Variants in ANKRD9 observed in about 807,000 individuals in gnomAD.
ANKRD9 encodes ankyrin repeat domain-containing protein 9.
Under a neutral mutation model 19.2 loss-of-function variants are expected in ANKRD9, and 13 were observed. The observed-to-expected ratio is 0.68, with a 90% CI of 0.44 to 1.08. The LOEUF is 1.08. Ranked by LOEUF, ANKRD9 falls within the 50% of genes least tolerant of loss-of-function variation. The pLI is 0.00. For synonymous variants in ANKRD9, 278 were observed against 256.8 expected, an observed-to-expected ratio of 1.08 and a Z score of -0.79; for missense variants, 518 against 499.9, an observed-to-expected ratio of 1.04 and a Z score of -0.34.
At position 102,508,052 on chromosome 14, in the gene ANKRD9, C is replaced by G. The variant is rs1891672027; in HGVS notation, c.-53-110G>C. ...CCGGTCCTGGCCCACCAGGCCTGTACCTACCTCCAGCCTCGGCCAGGCCCT... is the reference window on the plus strand; with the variant it reads ...CCGGTCCTGGCCCACCAGGCCTGTAGCTACCTCCAGCCTCGGCCAGGCCCT... On this transcript the variant is annotated intron_variant, in intron 3 of 3. Transcript: ENST00000286918. The surrounding 1 kb of genome is among the most constrained non-coding windows in gnomAD (Gnocchi z 6.2). The G allele has an allele frequency of 1.3e-6, 1 of 765,284 alleles. No homozygotes were observed. The allele number at this position is 765,284 out of a possible 1,614,324, so 47.4% of individuals were successfully genotyped here.
In ANKRD9 at chr14:102,507,503, C is replaced by T; in HGVS notation, c.387G>A (p.Leu129=). 1 of 1,373,780 alleles carries T rather than the reference C, an allele frequency of 7.3e-7. No homozygotes were observed. 85.1% of individuals were successfully genotyped at this position (1,373,780 alleles called of 1,614,324 possible). Residue 129 remains leucine, a synonymous_variant, in exon 4 of 4, where the codon CTG becomes CTA. Coordinates refer to ENST00000286918, the MANE Select transcript of ANKRD9 (RefSeq NM_152326.4). The surrounding 1 kb of genome is among the most constrained non-coding windows in gnomAD (Gnocchi z 9.2). The stretch of plus-strand genomic sequence containing the variant: ...CGCGCAAGGTGCGCAGGATGCGGCG[C>T]AGAATGCCCACGCGGTTGTAGCGCA... ...LAVRYNRVGI[L]RRILRTLRDF... is the part of the protein sequence containing the mutation.
In ANKRD9 at chr14:102,502,999, G is replaced by T. The variant is rs1193945982; in HGVS notation, c.*3937C>A. ...GGAGGCTGAGGCGGGCGGATCACAAGGTCAGGAGTTCGAGACCTGCCTGGC... is the reference window on the plus strand; with the variant it reads ...GGAGGCTGAGGCGGGCGGATCACAATGTCAGGAGTTCGAGACCTGCCTGGC... On this transcript the variant is annotated 3_prime_UTR_variant, in exon 4 of 4. Coordinates refer to ENST00000286918, the MANE Select transcript of ANKRD9 (RefSeq NM_152326.4). The T allele has an allele frequency of 6.6e-6, 1 of 152,146 alleles. No individual in the cohort carries two copies. Among genetic ancestry groups the T allele is most frequent in the Non-Finnish European group, 1.5e-5 (1 of 68,046 alleles). The allele number at this position is 152,146 out of a possible 1,614,324, so 9.4% of individuals were successfully genotyped here. A position where few individuals can be genotyped will look rare whatever the true frequency, so the allele number is the denominator to read the frequency against.
In ANKRD9 at chr14:102,508,024, C is replaced by T. The variant is rs1403393997; in HGVS notation, c.-53-82G>A. On this transcript the variant is annotated intron_variant, in intron 3 of 3. Transcript: ENST00000286918. The surrounding 1 kb of genome is among the most constrained non-coding windows in gnomAD (Gnocchi z 6.2). ...ACTCCCCTCTGCCCCTCACACAGCC[C>T]CTCCGGTCCTGGCCCACCAGGCCTG... 5 of 977,642 alleles carry T rather than the reference C, an allele frequency of 5.1e-6. No homozygotes were observed. Among genetic ancestry groups the T allele is most frequent in the Admixed American group, 5.6e-5 (1 of 17,708 alleles). 60.6% of individuals were successfully genotyped at this position (977,642 alleles called of 1,614,324 possible).
rs1277947266 is a variant in ANKRD9, at chr14:102,502,166, C to T, written c.*4770G>A. On this transcript the variant is annotated 3_prime_UTR_variant, in exon 4 of 4. Coordinates refer to ENST00000286918, the MANE Select transcript of ANKRD9 (RefSeq NM_152326.4). ...GAGGCGCAGGACCTCACCGCGCCAG[C>T]GTGAAGTTCCCGGGCATGGTCATGA... 1.3e-5 allele frequency: 2 copies of T among 152,216 alleles called. No homozygotes were observed. The highest frequency in any genetic ancestry group is 2.9e-5 in the Non-Finnish European group (2 of 68,032). The allele number at this position is 152,216 out of a possible 1,614,324, so 9.4% of individuals were successfully genotyped here. A position where few individuals can be genotyped will look rare whatever the true frequency, so the allele number is the denominator to read the frequency against.
In ANKRD9 at chr14:102,504,472, CAG is replaced by C. The variant is rs1567370422; in HGVS notation, c.*2462_*2463del. ...CTCATGGCCAGGACGATAACGATGA[CAG>C]GGGCAACACCATGGTCCTCGCTGCC... On this transcript the variant is annotated 3_prime_UTR_variant, in exon 4 of 4. Coordinates refer to ENST00000286918, the MANE Select transcript of ANKRD9 (RefSeq NM_152326.4). 1.3e-5 allele frequency: 2 copies of C among 153,650 alleles called. No individual in the cohort carries two copies. The highest frequency in any genetic ancestry group is 2.4e-5 in the African/African-American group (1 of 41,444). 9.5% of individuals were successfully genotyped at this position (153,650 alleles called of 1,614,324 possible).
Position 102,507,526 on chromosome 14 carries a change from G to T in ANKRD9, c.364C>A (p.Arg122Ser). 7.4e-7 allele frequency: 1 copy of T among 1,348,394 alleles called. No individual in the cohort carries two copies. The highest frequency in any genetic ancestry group is 9.5e-7 in the Non-Finnish European group (1 of 1,049,492). The allele number at this position is 1,348,394 out of a possible 1,614,324, so 83.5% of individuals were successfully genotyped here. The change falls in exon 4 of 4, where the codon CGC becomes AGC. Residue 122 changes from arginine (R) to serine (S), a missense_variant. Transcript: ENST00000286918. This position sits in a 1 kb window ranked among gnomAD's most constrained non-coding sequence, Gnocchi z 9.2. ...APGPHVALAV[R>S]YNRVGILRRI... ...CGCAGAATGCCCACGCGGTTGTAGC[G>T]CACTGCCAGCGCCACGTGCGGCCCG...
rs1891596661 is a variant in ANKRD9 at position 102,506,677 on chromosome 14, C to T, written c.*259G>A. ...GCTGTCACCCATCTGGGACGCACAC[C>T]TGTCCGAGGCTCTAGATCAAGGTGG... On this transcript the variant is annotated 3_prime_UTR_variant, in exon 4 of 4. Coordinates refer to ENST00000286918, the MANE Select transcript of ANKRD9 (RefSeq NM_152326.4). 2 of 409,474 alleles carry T rather than the reference C, an allele frequency of 4.9e-6. No homozygotes were observed. Among genetic ancestry groups the T allele is most frequent in the East Asian group, 7.7e-5 (2 of 25,958 alleles). 25.4% of individuals were successfully genotyped at this position (409,474 alleles called of 1,614,324 possible).
rs72700638 is a variant in ANKRD9 at position 102,503,824 on chromosome 14, C to T, written c.*3112G>A. The T allele has an allele frequency of 3.9e-5, 6 of 152,328 alleles. No homozygotes were observed. The highest frequency in any genetic ancestry group is 8.8e-5 in the Non-Finnish European group (6 of 68,030). 9.4% of individuals were successfully genotyped at this position (152,328 alleles called of 1,614,324 possible). A position where few individuals can be genotyped will look rare whatever the true frequency, so the allele number is the denominator to read the frequency against. The stretch of plus-strand genomic sequence containing the variant: ...TGACTAAACTTGTTTTCCGCCCTCC[C>T]AACTTCCAGGAAGAACCTTCTTCTG... On this transcript the variant is annotated 3_prime_UTR_variant, in exon 4 of 4. Coordinates refer to ENST00000286918, the MANE Select transcript of ANKRD9 (RefSeq NM_152326.4).
rs1243425599 is a variant in ANKRD9 at position 102,507,022 on chromosome 14, T to C, written c.868A>G (p.Ile290Val). The change falls in exon 4 of 4, where the codon ATC becomes GTC. Residue 290 changes from isoleucine to valine, a missense_variant. Ile to Val is a conservative substitution (Grantham distance 29). Transcript: ENST00000286918. The surrounding 1 kb of genome is among the most constrained non-coding windows in gnomAD (Gnocchi z 9.2). Reference sequence around the variant, plus strand: ...GCCTCGGGGAAGCGGCCTGGAGAGATGGCGGTGACCAGCACCTGCATGGCG... The same window carrying C: ...GCCTCGGGGAAGCGGCCTGGAGAGACGGCGGTGACCAGCACCTGCATGGCG... ...ARAMQVLVTA[I>V]SPGRFPEALD... 1 of 1,582,382 alleles carries C rather than the reference T, an allele frequency of 6.3e-7. No individual in the cohort carries two copies. Among genetic ancestry groups the C allele is most frequent in the Non-Finnish European group, 8.5e-7 (1 of 1,170,526 alleles).
chr14:102,507,713 GA>G lies in ANKRD9; in HGVS notation c.176del (p.Phe59SerfsTer265). ...LLEDMRASEA[F>X]HWDERGRAAA... ...CGGCGCGCCCGCGCTCGTCCCAGTG[GA>G]AGGCCTCGCTGGCGCGCATATCCTC... On this transcript the variant is annotated frameshift_variant, in exon 4 of 4. Transcript: ENST00000286918. LOFTEE classifies it high-confidence loss of function. This position sits in a 1 kb window ranked among gnomAD's most constrained non-coding sequence, Gnocchi z 9.2. The G allele has an allele frequency of 1.3e-6, 2 of 1,539,548 alleles. No homozygotes were observed. Among genetic ancestry groups the G allele is most frequent in the African/African-American group, 1.4e-5 (1 of 72,538 alleles).
rs1191879008 is a variant in ANKRD9, at chr14:102,508,820, G to A, written c.-308C>T. The A allele has an allele frequency of 6.6e-6, 1 of 152,016 alleles. No homozygotes were observed. Among genetic ancestry groups the A allele is most frequent in the Non-Finnish European group, 1.5e-5 (1 of 68,068 alleles). 9.4% of individuals were successfully genotyped at this position (152,016 alleles called of 1,614,324 possible). A position where few individuals can be genotyped will look rare whatever the true frequency, so the allele number is the denominator to read the frequency against. On this transcript the variant is annotated 5_prime_UTR_variant, in exon 2 of 4. Coordinates refer to ENST00000286918, the MANE Select transcript of ANKRD9 (RefSeq NM_152326.4). The surrounding 1 kb of genome is among the most constrained non-coding windows in gnomAD (Gnocchi z 6.2). ...GGCACAAGCTTCTCCAATTCTCCAA[G>A]GTCAGCAAGCCACGGCAGAGCCAGG...
chr14:102,502,545 A>G lies in ANKRD9; in HGVS notation c.*4391T>C, dbSNP rs142789833. The stretch of plus-strand genomic sequence containing the variant: ...GTCAAATATCACAAAGTAGACACCA[A>G]TGACTTCTTAAAAATCATATTTACA... On this transcript the variant is annotated 3_prime_UTR_variant, in exon 4 of 4. Coordinates refer to ENST00000286918, the MANE Select transcript of ANKRD9 (RefSeq NM_152326.4). 7.4e-3 allele frequency: 1,137 copies of G among 152,718 alleles called. 8 individuals are homozygous for G. Among genetic ancestry groups the G allele is most frequent in the Non-Finnish European group, 0.012 (796 of 68,024 alleles). 9.5% of individuals were successfully genotyped at this position (152,718 alleles called of 1,614,324 possible).
In ANKRD9 at chr14:102,507,961, G is replaced by A. The variant is rs936313503; in HGVS notation, c.-53-19C>T. Reference sequence around the variant, plus strand: ...GGCACACCTGCGGGGAAAGGAAGAGGCCACGGTGAGGCGCGGGGAAACTGG... The same window carrying A: ...GGCACACCTGCGGGGAAAGGAAGAGACCACGGTGAGGCGCGGGGAAACTGG... On this transcript the variant is annotated intron_variant, in intron 3 of 3. Coordinates refer to ENST00000286918, the MANE Select transcript of ANKRD9 (RefSeq NM_152326.4). The surrounding 1 kb of genome is among the most constrained non-coding windows in gnomAD (Gnocchi z 9.2). The A allele has an allele frequency of 2.8e-6, 3 of 1,089,346 alleles. No homozygotes were observed. Among genetic ancestry groups the A allele is most frequent in the African/African-American group, 3.4e-5 (2 of 58,896 alleles). The allele number at this position is 1,089,346 out of a possible 1,614,324, so 67.5% of individuals were successfully genotyped here. A position where few individuals can be genotyped will look rare whatever the true frequency, so the allele number is the denominator to read the frequency against.
rs1458042091 is a variant in ANKRD9, at chr14:102,507,763, C to G, written c.127G>C (p.Asp43His). 18 of 1,495,714 alleles carry G rather than the reference C, an allele frequency of 1.2e-5. No individual in the cohort carries two copies. Among genetic ancestry groups the G allele is most frequent in the Non-Finnish European group, 1.6e-5 (18 of 1,122,840 alleles). The allele number at this position is 1,495,714 out of a possible 1,614,324, so 92.7% of individuals were successfully genotyped here. A position where few individuals can be genotyped will look rare whatever the true frequency, so the allele number is the denominator to read the frequency against. Residue 43 changes from aspartate to histidine, a missense_variant, in exon 4 of 4, where the codon GAC (aspartate) becomes CAC (histidine). Asp to His is a moderately conservative substitution (Grantham distance 81). Coordinates refer to ENST00000286918, the MANE Select transcript of ANKRD9 (RefSeq NM_152326.4). This position sits in a 1 kb window ranked among gnomAD's most constrained non-coding sequence, Gnocchi z 9.2. ...SSFAFYQAVR[D>H]LLPVWLLEDM... ...TCCAGCAGCCACACGGGTAGCAGGT[C>G]GCGCACCGCCTGGTAGAAGGCGAAC...
chr14:102,507,159 G>A lies in ANKRD9; in HGVS notation c.731C>T (p.Ala244Val). The change falls in exon 4 of 4, where the codon GCC becomes GTC. Residue 244 changes from alanine to valine, a missense_variant. By Grantham distance (64) the Ala-to-Val change is moderately conservative. Coordinates refer to ENST00000286918, the MANE Select transcript of ANKRD9 (RefSeq NM_152326.4). The surrounding 1 kb of genome is among the most constrained non-coding windows in gnomAD (Gnocchi z 9.2). ...CAGCAGCTCCTGGCGGGCCGAGCCGGCGGCACCCACGGGGGTGTACAGCGC... is the reference window on the plus strand; with the variant it reads ...CAGCAGCTCCTGGCGGGCCGAGCCGACGGCACCCACGGGGGTGTACAGCGC... Reference protein sequence around the residue: ...LLALYTPVGAAGSARQELLGD... With the variant: ...LLALYTPVGAVGSARQELLGD... 7.0e-7 allele frequency: 1 copy of A among 1,421,418 alleles called. No individual in the cohort carries two copies. 88.1% of individuals were successfully genotyped at this position (1,421,418 alleles called of 1,614,324 possible).
Position 102,506,933 on chromosome 14 carries a change from G to T in ANKRD9, c.*3C>A. ...AAAATCCAGCGCCTAGGGTGCTCCGGGCCTAGCCTTTGCCAGTGAGGTCCA... is the reference window on the plus strand; with the variant it reads ...AAAATCCAGCGCCTAGGGTGCTCCGTGCCTAGCCTTTGCCAGTGAGGTCCA... On this transcript the variant is annotated 3_prime_UTR_variant, in exon 4 of 4. Coordinates refer to ENST00000286918, the MANE Select transcript of ANKRD9 (RefSeq NM_152326.4). 1 of 1,505,492 alleles carries T rather than the reference G, an allele frequency of 6.6e-7. No homozygotes were observed. The highest frequency in any genetic ancestry group is 8.9e-7 in the Non-Finnish European group (1 of 1,125,628). 93.3% of individuals were successfully genotyped at this position (1,505,492 alleles called of 1,614,324 possible).
rs1891453015 is a variant in ANKRD9, at chr14:102,502,128, T to G, written c.*4808A>C. On this transcript the variant is annotated 3_prime_UTR_variant, in exon 4 of 4. Transcript: ENST00000286918. The stretch of plus-strand genomic sequence containing the variant: ...GCCTGCAGCTATTAAGAAGCACGTG[T>G]GTGCAGGAAGCGGAGGCGCAGGACC... 1 of 152,230 alleles carries G rather than the reference T, an allele frequency of 6.6e-6. No individual in the cohort carries two copies. The highest frequency in any genetic ancestry group is 2.4e-5 in the African/African-American group (1 of 41,456). The allele number at this position is 152,230 out of a possible 1,614,324, so 9.4% of individuals were successfully genotyped here.
chr14:102,506,925 G>A lies in ANKRD9; in HGVS notation c.*11C>T, dbSNP rs374563215. ...TTTGTCCCAAAATCCAGCGCCTAGG[G>A]TGCTCCGGGCCTAGCCTTTGCCAGT... On this transcript the variant is annotated 3_prime_UTR_variant, in exon 4 of 4. Coordinates refer to ENST00000286918, the MANE Select transcript of ANKRD9 (RefSeq NM_152326.4). The A allele has an allele frequency of 5.7e-4, 853 of 1,484,862 alleles. No homozygotes were observed. The highest frequency in any genetic ancestry group is 7.2e-4 in the Middle Eastern group (4 of 5,582). The allele number at this position is 1,484,862 out of a possible 1,614,324, so 92.0% of individuals were successfully genotyped here.
In ANKRD9 at chr14:102,505,697, A is replaced by T. The variant is rs1891569945; in HGVS notation, c.*1239T>A. On this transcript the variant is annotated 3_prime_UTR_variant, in exon 4 of 4. Transcript: ENST00000286918. The stretch of plus-strand genomic sequence containing the variant: ...TGGCGGATCCAGGACCCTGGGCAAG[A>T]TCTTCCTACTGTCCAGGCCTCTCCC... 1 of 152,098 alleles carries T rather than the reference A, an allele frequency of 6.6e-6. No homozygotes were observed. The highest frequency in any genetic ancestry group is 6.5e-5 in the Admixed American group (1 of 15,274). 9.4% of individuals were successfully genotyped at this position (152,098 alleles called of 1,614,324 possible).
Sources: allele counts gnomAD v4.1 joint callset, GRCh38; gene constraint gnomAD v4.1.1; non-coding constraint Gnocchi (gnomAD v3.1); transcripts MANE v1.5; gene names NCBI Gene and HGNC (gene_info 2026-07-23, HGNC 2026-07-21).